H3-5: variants seen among roughly 807,000 people sequenced by gnomAD.
The protein encoded by H3-5 is H3.5 histone, also known as histone H3.3C.
H3-5 carries 9 observed loss-of-function variants against 8.8 expected under a neutral mutation model. That is an observed-to-expected ratio of 1.03 (90% CI 0.62 to 1.79). The LOEUF (loss-of-function observed/expected upper bound fraction) is 1.79. H3-5 is among the 40% of genes most tolerant of loss of function. The pLI, the probability that H3-5 is intolerant of heterozygous loss-of-function variation, is 0.00. For missense variants in H3-5, 173 were observed against 183.8 expected (o/e 0.94, Z 0.34); for synonymous variants, 82 against 76.1 (o/e 1.08, Z -0.40).
In H3-5 at chr12:31,791,428, G is replaced by C; in HGVS notation, c.*331C>G. ...AAACACTTGGATCAAGTCATAACCA[G>C]TTTTATTGCAAAAGGACCCTGTTGT... On this transcript the variant is annotated 3_prime_UTR_variant, in exon 1 of 1. Coordinates refer to ENST00000340398, the MANE Select transcript of H3-5 (RefSeq NM_001013699.3). The C allele has an allele frequency of 2.9e-6, 1 of 350,282 alleles. No individual in the cohort carries two copies. The highest frequency in any genetic ancestry group is 5.3e-6 in the Non-Finnish European group (1 of 189,640). 21.7% of individuals were successfully genotyped at this position (350,282 alleles called of 1,614,324 possible).
In H3-5 at chr12:31,791,908, C is replaced by A. The variant is rs746204032; in HGVS notation, c.259G>T (p.Ala87Ser). 2 of 1,614,180 alleles carry A rather than the reference C, an allele frequency of 1.2e-6. No homozygotes were observed. Among genetic ancestry groups the A allele is most frequent in the Non-Finnish European group, 1.7e-6 (2 of 1,180,032 alleles). Residue 87 changes from alanine (A) to serine (S), a missense_variant, in exon 1 of 1, where the codon GCA (alanine) becomes TCA (serine). Physicochemically the swap from Ala to Ser is moderately conservative, Grantham distance 99. Coordinates refer to ENST00000340398, the MANE Select transcript of H3-5 (RefSeq NM_001013699.3). ...DFNTDLRFQS[A>S]AVGALQEASE... ...GCCTCCTGCAGCGCACCGACGGCTG[C>A]GCTCTGAAACCTCAGGTCAGTGTTG...
Position 31,791,502 on chromosome 12 carries a change from A to C in H3-5, c.*257T>G. ...TTAATAGCTACCCAACAAGTCATTA[A>C]CATACAGAAACATGCATCATGAGAA... On this transcript the variant is annotated 3_prime_UTR_variant, in exon 1 of 1. Coordinates refer to ENST00000340398, the MANE Select transcript of H3-5 (RefSeq NM_001013699.3). 2 of 554,884 alleles carry C rather than the reference A, an allele frequency of 3.6e-6. No homozygotes were observed. Among genetic ancestry groups the C allele is most frequent in the Non-Finnish European group, 6.4e-6 (2 of 311,552 alleles). The allele number at this position is 554,884 out of a possible 1,614,324, so 34.4% of individuals were successfully genotyped here.
chr12:31,791,435 T>C lies in H3-5; in HGVS notation c.*324A>G. 1 of 362,350 alleles carries C rather than the reference T, an allele frequency of 2.8e-6. No individual in the cohort carries two copies. The highest frequency in any genetic ancestry group is 5.1e-6 in the Non-Finnish European group (1 of 197,268). The allele number at this position is 362,350 out of a possible 1,614,324, so 22.4% of individuals were successfully genotyped here. ...TGGATCAAGTCATAACCAGTTTTAT[T>C]GCAAAAGGACCCTGTTGTACACATT... On this transcript the variant is annotated 3_prime_UTR_variant, in exon 1 of 1. Transcript: ENST00000340398.
rs567948186 is a variant in H3-5 at position 31,792,141 on chromosome 12, C to G, written c.26G>C (p.Arg9Pro). 2.5e-6 allele frequency: 4 copies of G among 1,613,980 alleles called. No homozygotes were observed. In the South Asian group the frequency reaches 4.4e-5, roughly 18 times the overall value. ...GGGGGCTTTCCCACCGGTGGATTTA[C>G]GAGCAGTCTGCTTGGTTCGGGCCAT... MARTKQTA[R>P]KSTGGKAPRK... is the part of the protein sequence containing the mutation. The change falls in exon 1 of 1, where the codon CGT becomes CCT. Residue 9 changes from arginine (R) to proline (P), a missense_variant. Transcript: ENST00000340398.
rs958974366 is a variant in H3-5, at chr12:31,792,178, C to T, written c.-12G>A. On this transcript the variant is annotated 5_prime_UTR_variant, in exon 1 of 1. Transcript: ENST00000340398. ...TTGGTTCGGGCCATTTTCTTTCACC[C>T]AACGCCGAAGTTTTAGGCCACTTCT... 1 of 1,607,940 alleles carries T rather than the reference C, an allele frequency of 6.2e-7. No individual in the cohort carries two copies. Among genetic ancestry groups the T allele is most frequent in the South Asian group, 1.1e-5 (1 of 90,812 alleles).
Position 31,792,228 on chromosome 12 carries a change from C to G in H3-5, c.-62G>C. 1.3e-6 allele frequency: 2 copies of G among 1,559,520 alleles called. No homozygotes were observed. Among genetic ancestry groups the G allele is most frequent in the Non-Finnish European group, 1.7e-6 (2 of 1,151,448 alleles). ...TCCGACCTCCGCGCTGCTTCCGCTG[C>G]CCGAGGAAGAGCCGCAGTCGCGAGC... is the stretch of plus-strand genomic sequence containing the variant. On this transcript the variant is annotated 5_prime_UTR_variant, in exon 1 of 1. Coordinates refer to ENST00000340398, the MANE Select transcript of H3-5 (RefSeq NM_001013699.3).
At position 31,791,945 on chromosome 12, in the gene H3-5, G is replaced by C. The variant is rs372444480; in HGVS notation, c.222C>G (p.Ile74Met). The C allele has an allele frequency of 6.2e-7, 1 of 1,614,084 alleles. No homozygotes were observed. The highest frequency in any genetic ancestry group is 1.7e-5 in the Admixed American group (1 of 59,994). Residue 74 changes from isoleucine (I) to methionine (M), a missense_variant, in exon 1 of 1, where the codon ATC becomes ATG. By Grantham distance (10) the Ile-to-Met change is conservative. Coordinates refer to ENST00000340398, the MANE Select transcript of H3-5 (RefSeq NM_001013699.3). Reference sequence around the variant, plus strand: ...TCAGGTCAGTGTTGAAATCCTGCGCGATCTCCCTCACCAACCTCTGGAAGG... The same window carrying C: ...TCAGGTCAGTGTTGAAATCCTGCGCCATCTCCCTCACCAACCTCTGGAAGG... The part of the protein sequence containing the change: ...KLPFQRLVRE[I>M]AQDFNTDLRF...
In H3-5 at chr12:31,792,279, C is replaced by T. The variant is rs192937364; in HGVS notation, c.-113G>A. The T allele has an allele frequency of 8.0e-6, 10 of 1,255,796 alleles. No homozygotes were observed. Among genetic ancestry groups the T allele is most frequent in the East Asian group, 4.7e-5 (2 of 42,246 alleles). 77.8% of individuals were successfully genotyped at this position (1,255,796 alleles called of 1,614,324 possible). A position where few individuals can be genotyped will look rare whatever the true frequency, so the allele number is the denominator to read the frequency against. ...GAAGAACCGACACTGGTCCAACGAA[C>T]GACCAAACCGCTCTGCGCCCTCCTC... On this transcript the variant is annotated 5_prime_UTR_variant, in exon 1 of 1. Transcript: ENST00000340398.
rs1275106094 is a variant in H3-5, at chr12:31,792,224, G to T, written c.-58C>A. On this transcript the variant is annotated 5_prime_UTR_variant, in exon 1 of 1. Transcript: ENST00000340398. ...CTTCTCCGACCTCCGCGCTGCTTCC[G>T]CTGCCCGAGGAAGAGCCGCAGTCGC... The T allele has an allele frequency of 6.4e-7, 1 of 1,565,336 alleles. No homozygotes were observed. Among genetic ancestry groups the T allele is most frequent in the African/African-American group, 1.4e-5 (1 of 73,608 alleles).
Position 31,792,223 on chromosome 12 carries a change from C to A in H3-5, c.-57G>T. 2 of 1,568,018 alleles carry A rather than the reference C, an allele frequency of 1.3e-6. No individual in the cohort carries two copies. Among genetic ancestry groups the A allele is most frequent in the Non-Finnish European group, 1.7e-6 (2 of 1,155,884 alleles). ...ACTTCTCCGACCTCCGCGCTGCTTC[C>A]GCTGCCCGAGGAAGAGCCGCAGTCG... On this transcript the variant is annotated 5_prime_UTR_variant, in exon 1 of 1. Coordinates refer to ENST00000340398, the MANE Select transcript of H3-5 (RefSeq NM_001013699.3).
Position 31,791,585 on chromosome 12 carries a change from G to T in H3-5, c.*174C>A. 1 of 766,432 alleles carries T rather than the reference G, an allele frequency of 1.3e-6. No homozygotes were observed. Among genetic ancestry groups the T allele is most frequent in the Non-Finnish European group, 2.1e-6 (1 of 477,514 alleles). 47.5% of individuals were successfully genotyped at this position (766,432 alleles called of 1,614,324 possible). On this transcript the variant is annotated 3_prime_UTR_variant, in exon 1 of 1. Coordinates refer to ENST00000340398, the MANE Select transcript of H3-5 (RefSeq NM_001013699.3). ...AACAACTTGTCACTCCTGAGCAACAGTGCTGACATCACTGAGGTCTGTAAA... is the reference window on the plus strand; with the variant it reads ...AACAACTTGTCACTCCTGAGCAACATTGCTGACATCACTGAGGTCTGTAAA...
rs1343499368 is a variant in H3-5, at chr12:31,791,960, C to T, written c.207G>A (p.Arg69=). ...AATCCTGCGCGATCTCCCTCACCAACCTCTGGAAGGGCAGCTTCCGGATGA... is the reference window on the plus strand; with the variant it reads ...AATCCTGCGCGATCTCCCTCACCAATCTCTGGAAGGGCAGCTTCCGGATGA... ...ELLIRKLPFQ[R]LVREIAQDFN... The change falls in exon 1 of 1, where the codon AGG becomes AGA. Residue 69 remains arginine (R), a synonymous_variant. Coordinates refer to ENST00000340398, the MANE Select transcript of H3-5 (RefSeq NM_001013699.3). The T allele has an allele frequency of 6.2e-7, 1 of 1,614,206 alleles. No individual in the cohort carries two copies. Among genetic ancestry groups the T allele is most frequent in the East Asian group, 2.2e-5 (1 of 44,876 alleles).
At position 31,792,051 on chromosome 12, in the gene H3-5, T is replaced by G. The variant is rs3759295; in HGVS notation, c.116A>C (p.His39Pro). The G allele has an allele frequency of 0.066, 106,625 of 1,614,154 alleles. 4,123 individuals carry two copies. Among genetic ancestry groups the G allele is most frequent in the East Asian group, 0.14 (6,091 of 44,872 alleles). ...CGCCACGGTCCCAGGCCTGTAGCGA[T>G]GAGGCTTCACCCCGCAGGTAGAGGG... ...STPSTCGVKP[H>P]RYRPGTVALR... Residue 39 changes from histidine (H) to proline (P), a missense_variant, in exon 1 of 1, where the codon CAT (histidine) becomes CCT (proline). By Grantham distance (77) the His-to-Pro change is moderately conservative (BLOSUM62 -2). Transcript: ENST00000340398.
chr12:31,791,575 C>A lies in H3-5; in HGVS notation c.*184G>T, dbSNP rs950671627. The A allele has an allele frequency of 1.4e-6, 1 of 715,802 alleles. No individual in the cohort carries two copies. The highest frequency in any genetic ancestry group is 2.3e-6 in the Non-Finnish European group (1 of 436,632). 44.3% of individuals were successfully genotyped at this position (715,802 alleles called of 1,614,324 possible). A position where few individuals can be genotyped will look rare whatever the true frequency, so the allele number is the denominator to read the frequency against. ...TTTGCATATTAACAACTTGTCACTC[C>A]TGAGCAACAGTGCTGACATCACTGA... On this transcript the variant is annotated 3_prime_UTR_variant, in exon 1 of 1. Transcript: ENST00000340398.
rs1412833844 is a variant in H3-5 at position 31,791,839 on chromosome 12, A to G, written c.328T>C (p.Cys110Arg). 2 of 1,614,138 alleles carry G rather than the reference A, an allele frequency of 1.2e-6. No individual in the cohort carries two copies. The highest frequency in any genetic ancestry group is 1.7e-6 in the Non-Finnish European group (2 of 1,180,024). ...GTGACTCTCTTAGCGTGGATGGCAC[A>G]CAGGTTAGTATCTTCCAACAGACCC... ...LVGLLEDTNLCAIHAKRVTIM... is the reference protein window; with the variant it reads ...LVGLLEDTNLRAIHAKRVTIM... Residue 110 changes from cysteine (C) to arginine (R), a missense_variant, in exon 1 of 1, where the codon TGT becomes CGT. Physicochemically the swap from Cys to Arg is radical, Grantham distance 180. Transcript: ENST00000340398.
At position 31,791,995 on chromosome 12, in the gene H3-5, T is replaced by C; in HGVS notation, c.172A>G (p.Thr58Ala). Residue 58 changes from threonine to alanine, a missense_variant, in exon 1 of 1, where the codon ACC becomes GCC. By Grantham distance (58) the Thr-to-Ala change is moderately conservative. Transcript: ENST00000340398. ...GGCAGCTTCCGGATGAGCAGCTCGG[T>C]CGACTTCTGATAACGACGAATCTCT... ...LREIRRYQKS[T>A]ELLIRKLPFQ... is the part of the protein sequence containing the mutation. The C allele has an allele frequency of 6.2e-7, 1 of 1,614,078 alleles. No homozygotes were observed. The highest frequency in any genetic ancestry group is 1.7e-5 in the Admixed American group (1 of 59,996).
chr12:31,791,663 A>G lies in H3-5; in HGVS notation c.*96T>C. ...GAAAGATGGAATGACTTAAGTACAA[A>G]TGCAACATATAAACAATTTCTTACA... On this transcript the variant is annotated 3_prime_UTR_variant, in exon 1 of 1. Transcript: ENST00000340398. The G allele has an allele frequency of 6.8e-7, 1 of 1,463,680 alleles. No individual in the cohort carries two copies. Among genetic ancestry groups the G allele is most frequent in the Non-Finnish European group, 9.3e-7 (1 of 1,073,152 alleles). 90.7% of individuals were successfully genotyped at this position (1,463,680 alleles called of 1,614,324 possible). A position where few individuals can be genotyped will look rare whatever the true frequency, so the allele number is the denominator to read the frequency against.
Position 31,791,827 on chromosome 12 carries a change from C to T in H3-5, c.340G>A (p.Ala114Thr), listed in dbSNP as rs749178306. 1 of 1,614,026 alleles carries T rather than the reference C, an allele frequency of 6.2e-7. No homozygotes were observed. Among genetic ancestry groups the T allele is most frequent in the African/African-American group, 1.3e-5 (1 of 74,904 alleles). The change falls in exon 1 of 1, where the codon GCT becomes ACT. Residue 114 changes from alanine to threonine, a missense_variant. Physicochemically the swap from Ala to Thr is moderately conservative, Grantham distance 58. Transcript: ENST00000340398. The stretch of plus-strand genomic sequence containing the variant: ...TTGGGCATGATGGTGACTCTCTTAG[C>T]GTGGATGGCACACAGGTTAGTATCT... ...LEDTNLCAIH[A>T]KRVTIMPKDI...
chr12:31,792,176 C>A lies in H3-5; in HGVS notation c.-10G>T. 1 of 1,608,134 alleles carries A rather than the reference C, an allele frequency of 6.2e-7. No individual in the cohort carries two copies. Among genetic ancestry groups the A allele is most frequent in the Non-Finnish European group, 8.5e-7 (1 of 1,175,832 alleles). ...GCTTGGTTCGGGCCATTTTCTTTCACCCAACGCCGAAGTTTTAGGCCACTT... is the reference window on the plus strand; with the variant it reads ...GCTTGGTTCGGGCCATTTTCTTTCAACCAACGCCGAAGTTTTAGGCCACTT... On this transcript the variant is annotated 5_prime_UTR_variant, in exon 1 of 1. Transcript: ENST00000340398.
Sources: gnomAD v4.1 joint callset for allele counts on GRCh38, gnomAD v4.1.1 for gene constraint, MANE v1.5 for transcripts, NCBI Gene and HGNC (gene_info 2026-07-23, HGNC 2026-07-21) for gene names.